Variants in MBOAT4 observed in about 807,000 individuals in gnomAD.
MBOAT4 encodes the protein membrane bound ghrelin O-acyltransferase MBOAT4.
A neutral mutation model predicts 13.2 loss-of-function variants in MBOAT4; 11 were observed. The observed-to-expected ratio is 0.84, with a 90% confidence interval of 0.53 to 1.38. MBOAT4 has a LOEUF of 1.38. Ranked by LOEUF, MBOAT4 falls within the 40% of genes most tolerant of loss-of-function variation. MBOAT4 has a pLI of 0.00. For synonymous variants in MBOAT4, 202 were observed against 210.3 expected, an observed-to-expected ratio of 0.96 and a Z score of 0.34; for missense variants, 481 against 527.2, an observed-to-expected ratio of 0.91 and a Z score of 0.86.
intron 1 of MBOAT4, among the ~76,000 whole-genome samples, chr8:30,143,976 A>C (rs1158135455): frequency 1.3e-5 from 2 of 152,216 alleles, no homozygotes; most frequent in South Asian, 4.1e-4. Flanking sequence ...CAGTGCAGGA[A>C]GGATGTGAAT....
chr8:30,133,960 C>A (rs1281942900), intron 2 of MBOAT4, among the ~76,000 whole-genome samples: 1 of 152,100 alleles, frequency 6.6e-6, no homozygotes, highest in Non-Finnish European at 1.5e-5. Context: ...AAAACCACAA[C>A]CTTGCATAAC....
chr8:30,134,551 A>G (rs1046124281), intron 2 of MBOAT4, among the ~76,000 whole-genome samples: 2 of 151,050 alleles, frequency 1.3e-5, no homozygotes, highest in African/African-American at 4.9e-5. Flanking sequence ...TTCTTTTTTT[A>G]TTTTTTTGGA....
At chr8:30,144,164 T>C (rs1362732785) in intron 1 of MBOAT4, among the ~76,000 whole-genome samples, 1 of 150,886 alleles carries the variant, frequency 6.6e-6, no homozygotes, top group East Asian at 1.9e-4. Context: ...AGATAGAGGC[T>C]TGCTCCGTTG....
In MBOAT4 at chr8:30,132,114, T is replaced by C. The variant is rs1339063445; in HGVS notation, c.1137A>G (p.Arg379=). 1.3e-6 allele frequency: 2 copies of C among 1,551,662 alleles called. No individual in the cohort carries two copies. The highest frequency in any genetic ancestry group is 3.9e-5 in the Admixed American group (2 of 51,000). ...ACTGGGTGTGGGCCCAGGTGAGGGT[T>C]CTATAGAACAGCCTCATCGGCCAGG... ...IRSWPMRLFY[R]TLTWAHTQLI... The change falls in exon 3 of 3, where the codon AGA becomes AGG. Residue 379 remains arginine, a synonymous_variant. Coordinates refer to ENST00000320542, the MANE Select transcript of MBOAT4 (RefSeq NM_001100916.2).
intron 1 of MBOAT4, among the ~76,000 whole-genome samples, 165 bp from the exon 2 acceptor site, chr8:30,138,921 G>T (rs1803209991): frequency 6.6e-6 from 1 of 151,944 alleles, no homozygotes; most frequent in Non-Finnish European, 1.5e-5. Context: ...CAGAAGAAAA[G>T]AATCACGGGA....
In MBOAT4 at chr8:30,132,867, C is replaced by G. The variant is rs1454315185; in HGVS notation, c.384G>C (p.Gln128His). 5 of 1,547,256 alleles carry G rather than the reference C, an allele frequency of 3.2e-6. No homozygotes were observed. The African/African-American group carries it at 5.5e-5, about 17-fold the overall frequency. Residue 128 changes from glutamine (Q) to histidine (H), a missense_variant, in exon 3 of 3, where the codon CAG (glutamine) becomes CAC (histidine). Gln to His is a conservative substitution (Grantham distance 24). Transcript: ENST00000320542. ...ITLSSLMLLT[Q>H]RVTSLSLDIC... is the part of the protein sequence containing the mutation. ...TGTCCAGAGAGAGGGACGTGACCCTCTGGGTCAAGAGCATGAGAGAAGAAA... is the reference window on the plus strand; with the variant it reads ...TGTCCAGAGAGAGGGACGTGACCCTGTGGGTCAAGAGCATGAGAGAAGAAA...
chr8:30,142,679 T>C (rs1803281565), intron 1 of MBOAT4, among the ~76,000 whole-genome samples: 2 of 152,196 alleles, frequency 1.3e-5, no homozygotes, highest in South Asian at 4.1e-4. Flanking sequence ...ATCTTCACCC[T>C]AAGGTAACTC....
intron 2 of MBOAT4, among the ~76,000 whole-genome samples, chr8:30,136,121 T>C (rs907319045): frequency 1.3e-5 from 2 of 152,130 alleles, no homozygotes; most frequent in African/African-American, 4.8e-5. Context: ...TCATTCACTC[T>C]CTATTATGGA....
At position 30,132,090 on chromosome 8, in the gene MBOAT4, C is replaced by G; in HGVS notation, c.1161G>C (p.Gln387His). The G allele has an allele frequency of 6.4e-7, 1 of 1,551,782 alleles. No homozygotes were observed. The highest frequency in any genetic ancestry group is 8.7e-7 in the Non-Finnish European group (1 of 1,147,010). ...CCAGCATGATGTAGGCAATGATCAA[C>G]TGGGTGTGGGCCCAGGTGAGGGTTC... ...FYRTLTWAHT[Q>H]LIIAYIMLAV... The change falls in exon 3 of 3, where the codon CAG becomes CAC. Residue 387 changes from glutamine (Q) to histidine (H), a missense_variant. By Grantham distance (24) the Gln-to-His change is conservative (BLOSUM62 0). Coordinates refer to ENST00000320542, the MANE Select transcript of MBOAT4 (RefSeq NM_001100916.2).
chr8:30,143,327 G>T (rs1264767999), intron 1 of MBOAT4, among the ~76,000 whole-genome samples: 1 of 63,090 alleles, frequency 1.6e-5, no homozygotes, highest in South Asian at 5.5e-4. Context: ...CAGCCTGGGC[G>T]ACAGAGCGAG....
chr8:30,132,705 G>A lies in MBOAT4; in HGVS notation c.546C>T (p.Ser182=), dbSNP rs1563220701. The part of the protein sequence containing the change: ...FPALLGGSLC[S]FQRFQARVQG... ...GAACACGAGCCTGAAATCGCTGGAA[G>A]GAGCACAGAGAGCCTCCCAGGAGAG... Residue 182 remains serine, a synonymous_variant, in exon 3 of 3, where the codon TCC becomes TCT. Transcript: ENST00000320542. 1 of 1,551,770 alleles carries A rather than the reference G, an allele frequency of 6.4e-7. No individual in the cohort carries two copies. The highest frequency in any genetic ancestry group is 8.7e-7 in the Non-Finnish European group (1 of 1,147,010).
At chr8:30,142,998 C>CA (rs1803286614) in intron 1 of MBOAT4, among the ~76,000 whole-genome samples, 1 of 152,128 alleles carries the variant, frequency 6.6e-6, no homozygotes, top group Non-Finnish European at 1.5e-5. Context: ...GGACATTCCA[C>CA]AAAACCTTGT....
chr8:30,137,444 G>C, intron 2 of MBOAT4: 1 of 1,551,714 alleles, frequency 6.4e-7, no homozygotes, highest in Non-Finnish European at 8.7e-7. Flanking sequence ...TCACTTCTGG[G>C]CAGGCCTGCT....
In MBOAT4 at chr8:30,142,930, C is replaced by A. The variant is rs112676792; in HGVS notation, c.119+1553G>T. On this transcript the variant is annotated intron_variant, in intron 1 of 2. Coordinates refer to ENST00000320542, the MANE Select transcript of MBOAT4 (RefSeq NM_001100916.2). ...CCCAATATATAAAAATCCTAATTCC[C>A]AAAATAAGTGAATTATTAGGAAGTG... is the stretch of plus-strand genomic sequence containing the variant. Among the ~76,000 whole-genome samples, 348 of 152,196 alleles carry A rather than the reference C, an allele frequency of 2.3e-3. 5 individuals are homozygous for A. Among genetic ancestry groups the A allele is most frequent in the African/African-American group, 7.3e-3 (302 of 41,514 alleles).
intron 1 of MBOAT4, 85 bp from the exon 2 acceptor site, chr8:30,138,841 A>C (rs746312401): frequency 1.9e-6 from 2 of 1,043,588 alleles, no homozygotes; most frequent in Non-Finnish European, 2.9e-6. Flanking sequence ...AGGGAACCCG[A>C]TCTGGTAGGC....
At chr8:30,132,985 T>C in intron 2 of MBOAT4, 79 bp from the exon 3 acceptor site, 1 of 1,402,512 alleles carries the variant, frequency 7.1e-7, no homozygotes, top group Non-Finnish European at 9.5e-7. Flanking sequence ...TCATACATGA[T>C]CTCGCAGGAA....
chr8:30,138,813 T>G, intron 1 of MBOAT4, 57 bp from the exon 2 acceptor site: 1 of 1,356,442 alleles, frequency 7.4e-7, no homozygotes, highest in Non-Finnish European at 1.0e-6. Context: ...GCAAAGGAAT[T>G]ACTGCAGATG....
chr8:30,140,377 C>G (rs946813824), intron 1 of MBOAT4, among the ~76,000 whole-genome samples: 1 of 152,166 alleles, frequency 6.6e-6, no homozygotes, highest in Non-Finnish European at 1.5e-5. Flanking sequence ...CATAAGCCAT[C>G]GCGCCCGGCC....
At chr8:30,135,120 G>A (rs1319240123) in intron 2 of MBOAT4, among the ~76,000 whole-genome samples, 2 of 147,660 alleles carry the variant, frequency 1.4e-5, no homozygotes, top group Admixed American at 1.4e-4. Context: ...TCAAACTCCT[G>A]GCCTCAAGTG....
Sources: allele counts gnomAD v4.1 joint callset (sites outside exome capture counted in the v4.1 genomes callset), GRCh38; gene constraint gnomAD v4.1.1; transcripts MANE v1.5; gene names NCBI Gene and HGNC (gene_info 2026-07-23, HGNC 2026-07-21).